The following TEKTL1 variants were observed in gnomAD, a reference collection of about 807,000 sequenced individuals.
TEKTL1 encodes the protein tektin-like protein 1.
the TEKTL1 span, among the ~76,000 whole-genome samples, chr19:15,014,047 A>G: frequency 1.3e-5 from 2 of 152,180 alleles, no homozygotes; most frequent in African/African-American, 2.4e-5. Context: ...GGCAGAAACT[A>G]TGATTTCCTC....
At chr19:15,010,745 C>T in the TEKTL1 span, 3 of 1,411,446 alleles carry the variant, frequency 2.1e-6, no homozygotes, top group African/African-American at 1.4e-5. Flanking sequence ...TCTCTACAGG[C>T]CAGGAAAGAG....
the TEKTL1 span, among the ~76,000 whole-genome samples, chr19:15,019,602 AT>A: frequency 1.3e-5 from 2 of 152,148 alleles, no homozygotes; most frequent in Non-Finnish European, 2.9e-5. Context: ...AAAAAGAATC[AT>A]TTTTTCATAA....
the TEKTL1 span, among the ~76,000 whole-genome samples, chr19:15,014,516 T>C: frequency 1.3e-5 from 2 of 152,144 alleles, no homozygotes; most frequent in Admixed American, 6.5e-5. Context: ...AAGTCTTTTA[T>C]TGTTGTTGAA....
At chr19:15,014,588 T>C in the TEKTL1 span, among the ~76,000 whole-genome samples, 1 of 151,948 alleles carries the variant, frequency 6.6e-6, no homozygotes, top group African/African-American at 2.4e-5. Flanking sequence ...GCATTGGACC[T>C]TGAAGGCAGA....
the TEKTL1 span, among the ~76,000 whole-genome samples, chr19:15,018,552 TA>T: frequency 6.8e-6 from 1 of 146,824 alleles, no homozygotes; most frequent in Non-Finnish European, 1.5e-5. Context: ...CTACAAAAAT[TA>T]AAAAAAAATA....
At chr19:15,023,015 C>T in the TEKTL1 span, 22 of 1,612,640 alleles carry the variant, frequency 1.4e-5, no homozygotes, top group Non-Finnish European at 1.8e-5. Context: ...CCTGCGCCTG[C>T]GCCAGCGGCA....
chr19:15,011,749 A>T, the TEKTL1 span, among the ~76,000 whole-genome samples: 2 of 151,748 alleles, frequency 1.3e-5, no homozygotes, highest in East Asian at 1.9e-4. Flanking sequence ...AAAAAAAAAA[A>T]AAATATTTCC....
the TEKTL1 span, chr19:15,021,681 A>C: frequency 3.1e-6 from 5 of 1,614,090 alleles, no homozygotes; most frequent in Non-Finnish European, 4.2e-6. Context: ...AATATAACCA[A>C]GAGTTGTACA....
the TEKTL1 span, among the ~76,000 whole-genome samples, chr19:15,016,333 G>A: frequency 2.0e-5 from 3 of 151,950 alleles, no homozygotes; most frequent in Admixed American, 2.0e-4. Context: ...GGGATTACAG[G>A]TGCCTGCCAG....
chr19:15,011,050 G>C, the TEKTL1 span: 1 of 1,578,498 alleles, frequency 6.3e-7, no homozygotes, highest in Non-Finnish European at 8.6e-7. Context: ...GCTTCCGCGT[G>C]GAGATGATCA....
At chr19:15,018,536 G>A in the TEKTL1 span, among the ~76,000 whole-genome samples, 11,497 of 149,946 alleles carry the variant, frequency 0.077, 876 homozygotes, top group African/African-American at 0.2. Context: ...TAGTAAGACC[G>A]CGTCCCTACA....
At chr19:15,019,567 G>A in the TEKTL1 span, among the ~76,000 whole-genome samples, 3 of 152,150 alleles carry the variant, frequency 2.0e-5, no homozygotes, top group Non-Finnish European at 4.4e-5. Flanking sequence ...ACCTTGAGGG[G>A]TGGTGTGATG....
the TEKTL1 span, among the ~76,000 whole-genome samples, chr19:15,015,688 G>C: frequency 6.6e-6 from 1 of 151,544 alleles, no homozygotes; most frequent in Non-Finnish European, 1.5e-5. Flanking sequence ...GGAAGACAGA[G>C]CAAGATTCTA....
chr19:15,020,012 C>CAA, the TEKTL1 span, among the ~76,000 whole-genome samples: 16,061 of 136,382 alleles, frequency 0.12, 984 homozygotes, highest in Middle Eastern at 0.21. Flanking sequence ...TTACCAGTAT[C>CAA]AAAAAAAAAA....
chr19:15,010,767 T>C, the TEKTL1 span: 13 of 1,460,162 alleles, frequency 8.9e-6, no homozygotes, highest in South Asian at 1.7e-4. Flanking sequence ...TGTGTGTCTT[T>C]GGGGTCCCTT....
At chr19:15,017,756 C>T in the TEKTL1 span, among the ~76,000 whole-genome samples, 1 of 152,132 alleles carries the variant, frequency 6.6e-6, no homozygotes, top group Non-Finnish European at 1.5e-5. Context: ...GCAATTGACA[C>T]CCAGCACAGG....
At chr19:15,011,466 C>A in the TEKTL1 span, 2 of 1,288,376 alleles carry the variant, frequency 1.6e-6, no homozygotes, top group East Asian at 3.1e-5. Flanking sequence ...CGGTGTCCAG[C>A]CCCGGGGAAA....
At chr19:15,021,917 C>A in the TEKTL1 span, 1 of 1,612,406 alleles carries the variant, frequency 6.2e-7, no homozygotes, top group Non-Finnish European at 8.5e-7. Context: ...GCGCCTCGCA[C>A]AGGTAAACCC....
the TEKTL1 span, chr19:15,010,861 G>T: frequency 6.4e-7 from 1 of 1,553,142 alleles, no homozygotes. Flanking sequence ...AGCGCAGCCA[G>T]GACACACGCG....
Sources: gnomAD v4.1 joint callset for allele counts (sites outside exome capture counted in the v4.1 genomes callset) on GRCh38, gnomAD v4.1.1 for gene constraint, MANE v1.5 for transcripts, NCBI Gene and HGNC (gene_info 2026-07-23, HGNC 2026-07-21) for gene names.